Variants in DENND3 observed in about 807,000 individuals in gnomAD.
DENND3 encodes DENN domain containing 3.
Under a neutral mutation model 135.1 loss-of-function variants are expected in DENND3, and 88 were observed. That is an observed-to-expected ratio of 0.65 (90% CI 0.55 to 0.78). The LOEUF is 0.78. DENND3 is among the 30% of genes least tolerant of loss of function. DENND3 has a pLI of 0.00. For missense variants in DENND3, 1,392 were observed against 1,688.4 expected (o/e 0.82, Z 3.08); for synonymous variants, 693 against 712.3 (o/e 0.97, Z 0.43).
chr8:141,180,155 A>G (rs1569556618), intron 16 of DENND3, among the ~76,000 whole-genome samples: 2 of 152,154 alleles, frequency 1.3e-5, no homozygotes, highest in South Asian at 4.1e-4. Context: ...CACTGCGGAG[A>G]GGCATTTTGA....
Position 141,163,050 on chromosome 8 carries a change from C to T in DENND3, c.1353-283C>T, listed in dbSNP as rs537202463. On this transcript the variant is annotated intron_variant, in intron 9 of 22. Coordinates refer to ENST00000519811, the MANE Select transcript of DENND3 (RefSeq NM_001352890.3). Reference sequence around the variant, plus strand: ...TGAACTCAGTTTCATGTGTGTGGACCGCAACTGACTTTTGTGTCTTAATTT... The same window carrying T: ...TGAACTCAGTTTCATGTGTGTGGACTGCAACTGACTTTTGTGTCTTAATTT... 4.6e-5 allele frequency among the ~76,000 whole-genome samples: 7 copies of T among 152,282 alleles called. No homozygotes were observed. In the East Asian group the frequency reaches 5.8e-4, roughly 13 times the overall value.
At chr8:141,183,324 CA>C (rs1310849017) in intron 17 of DENND3, among the ~76,000 whole-genome samples, 3 of 152,188 alleles carry the variant, frequency 2.0e-5, no homozygotes, top group Admixed American at 2.0e-4. Flanking sequence ...CACCTCACTG[CA>C]ACCTCTGCCT....
In DENND3 at chr8:141,166,447, A is replaced by C; in HGVS notation, c.1753+58A>C. The C allele has an allele frequency of 6.5e-7, 1 of 1,541,086 alleles. No homozygotes were observed. The highest frequency in any genetic ancestry group is 2.3e-5 in the East Asian group (1 of 44,130). ...TCGGTCCCACCATTCCTGCACCTGC[A>C]AGTCATTGAGCAAAACTGGGACTTG... On this transcript the variant is annotated intron_variant, in intron 12 of 22. Transcript: ENST00000519811. This position sits in a 1 kb window ranked among gnomAD's most constrained non-coding sequence, Gnocchi z 4.3.
intron 7 of DENND3, among the ~76,000 whole-genome samples, chr8:141,152,612 C>T (rs922301437): frequency 1.1e-4 from 17 of 152,172 alleles, no homozygotes; most frequent in African/African-American, 3.4e-4. Flanking sequence ...CGAGTTTTGT[C>T]CATCCACTCA....
At position 141,128,819 on chromosome 8, in the gene DENND3, G is replaced by A; in HGVS notation, c.102+10G>A. 2.1e-6 allele frequency: 3 copies of A among 1,396,564 alleles called. No individual in the cohort carries two copies. The highest frequency in any genetic ancestry group is 3.0e-5 in the East Asian group (1 of 32,818). The allele number at this position is 1,396,564 out of a possible 1,614,324, so 86.5% of individuals were successfully genotyped here. A position where few individuals can be genotyped will look rare whatever the true frequency, so the allele number is the denominator to read the frequency against. ...CCGAAGTCTCGAGCAGGTGAGGGGC[G>A]GGGAAACTGAGGCGGACGTGGGCCA... is the stretch of plus-strand genomic sequence containing the variant. On this transcript the variant is annotated intron_variant, in intron 1 of 22. Coordinates refer to ENST00000519811, the MANE Select transcript of DENND3 (RefSeq NM_001352890.3). The surrounding 1 kb of genome is among the most constrained non-coding windows in gnomAD (Gnocchi z 4.5).
intron 14 of DENND3, chr8:141,176,343 C>A (rs575122421): frequency 6.3e-6 from 3 of 474,206 alleles, no homozygotes; most frequent in African/African-American, 2.0e-5. Context: ...TGAAAGAATG[C>A]GCTGCCTTCG....
At position 141,139,123 on chromosome 8, in the gene DENND3, C is replaced by T. The variant is rs112839708; in HGVS notation, c.501+986C>T. Among the ~76,000 whole-genome samples, 4 of 152,066 alleles carry T rather than the reference C, an allele frequency of 2.6e-5. No homozygotes were observed. Among genetic ancestry groups the T allele is most frequent in the South Asian group, 2.1e-4 (1 of 4,826 alleles). ...GGGTTTCCCGAAGCAAAAAGCGAGC[C>T]GGAGCCTTAATTTAGGTGCCCTGGT... On this transcript the variant is annotated intron_variant, in intron 3 of 22. Transcript: ENST00000519811. The surrounding 1 kb of genome is among the most constrained non-coding windows in gnomAD (Gnocchi z 4.2).
chr8:141,140,678 C>T (rs2154612759), intron 3 of DENND3, among the ~76,000 whole-genome samples: 1 of 152,366 alleles, frequency 6.6e-6, no homozygotes, highest in Non-Finnish European at 1.5e-5. Context: ...TCATCATGCC[C>T]TTCCATCCCT....
At position 141,137,369 on chromosome 8, in the gene DENND3, A is replaced by G. The variant is rs307770; in HGVS notation, c.385+578A>G. Among the ~76,000 whole-genome samples, 148,142 of 152,336 alleles carry G rather than the reference A, an allele frequency of 0.97. 72,054 individuals are homozygous for G. The highest frequency in any genetic ancestry group is 1 in the East Asian group (5,184 of 5,186). ...AATTGAGTCCTGGAAGGGAGTCTGC[A>G]TGAACTTCCAGGTAAAACCATTTGT... On this transcript the variant is annotated intron_variant, in intron 2 of 22. Coordinates refer to ENST00000519811, the MANE Select transcript of DENND3 (RefSeq NM_001352890.3). The surrounding 1 kb of genome is among the most constrained non-coding windows in gnomAD (Gnocchi z 4.1).
chr8:141,140,579 A>T (rs1817327288), intron 3 of DENND3, among the ~76,000 whole-genome samples: 1 of 152,180 alleles, frequency 6.6e-6, no homozygotes, highest in Non-Finnish European at 1.5e-5. Context: ...TAGATAGACA[A>T]ATGATGTAGC....
At chr8:141,159,731 G>A (rs529525629) in intron 8 of DENND3, among the ~76,000 whole-genome samples, 66 of 152,308 alleles carry the variant, frequency 4.3e-4, no homozygotes, top group African/African-American at 1.6e-3. Flanking sequence ...TATTTCTAAC[G>A]TCCCTCTAGA....
At chr8:141,171,754 G>T (rs1055062728) in intron 13 of DENND3, among the ~76,000 whole-genome samples, 1 of 151,856 alleles carries the variant, frequency 6.6e-6, no homozygotes, top group African/African-American at 2.4e-5. Flanking sequence ...GTAGCCATAG[G>T]TGTGCACAGC....
At position 141,145,826 on chromosome 8, in the gene DENND3, TATATATATATATATA is replaced by T. The variant is rs1817991669; in HGVS notation, c.735+1568_735+1582del. Reference sequence around the variant, plus strand: ...TATTATATATATATATATATATATATATATATATATATATATATATATATGTATTTTTTTTTTTTT... The same window carrying T: ...TATTATATATATATATATATATATATTATATATATGTATTTTTTTTTTTTT... On this transcript the variant is annotated intron_variant, in intron 5 of 22. Coordinates refer to ENST00000519811, the MANE Select transcript of DENND3 (RefSeq NM_001352890.3). Among the ~76,000 whole-genome samples, 73 of 60,148 alleles carry T rather than the reference TATATATATATATATA, an allele frequency of 1.2e-3. 5 individuals are homozygous for T. Among genetic ancestry groups the T allele is most frequent in the African/African-American group, 4.3e-3 (65 of 15,030 alleles). 39.5% of individuals were successfully genotyped at this position (60,148 alleles called of 152,430 possible). A position where few individuals can be genotyped will look rare whatever the true frequency, so the allele number is the denominator to read the frequency against.
rs558322989 is a variant in DENND3, at chr8:141,181,875, C to T, written c.2944+1021C>T. Among the ~76,000 whole-genome samples, 107 of 152,088 alleles carry T rather than the reference C, an allele frequency of 7.0e-4. 1 individual carries two copies. Among genetic ancestry groups the T allele is most frequent in the African/African-American group, 2.5e-3 (102 of 41,466 alleles). ...GCAGCCTCAACCTCCTGGATTCAAG[C>T]GATCCTCTTGCCTCAGCCTCCTGGG... is the stretch of plus-strand genomic sequence containing the variant. On this transcript the variant is annotated intron_variant, in intron 17 of 22. Transcript: ENST00000519811.
At chr8:141,177,840 C>T (rs899200608) in intron 15 of DENND3, 1 of 479,546 alleles carries the variant, frequency 2.1e-6, no homozygotes, top group Non-Finnish European at 3.5e-6. Context: ...CCTGCCTAGC[C>T]CCTTCTAGAA....
intron 9 of DENND3, 151 bp downstream of exon 9, chr8:141,160,938 T>C (rs760183877): frequency 2.5e-5 from 26 of 1,045,158 alleles, no homozygotes; most frequent in Non-Finnish European, 3.1e-5. Context: ...AAAGCTTTTC[T>C]TGTGACTGTA....
At position 141,138,283 on chromosome 8, in the gene DENND3, C is replaced by A. The variant is rs1052824121; in HGVS notation, c.501+146C>A. ...GTACATTCACAGCATTGTGCAACCA[C>A]CACCAATGTCTAGGTCCAAAACGCT... On this transcript the variant is annotated intron_variant, in intron 3 of 22. Transcript: ENST00000519811. The surrounding 1 kb of genome is among the most constrained non-coding windows in gnomAD (Gnocchi z 4.8). 2.5e-5 allele frequency: 22 copies of A among 865,072 alleles called. No homozygotes were observed. In the East Asian group the frequency reaches 5.9e-4, roughly 23 times the overall value. The allele number at this position is 865,072 out of a possible 1,614,324, so 53.6% of individuals were successfully genotyped here. A position where few individuals can be genotyped will look rare whatever the true frequency, so the allele number is the denominator to read the frequency against.
At chr8:141,184,811 C>G in intron 17 of DENND3, 1 of 217,590 alleles carries the variant, frequency 4.6e-6, no homozygotes, top group Non-Finnish European at 9.2e-6. Context: ...GCTCCTCTTC[C>G]AGTTCCCTCT....
At chr8:141,188,953 C>CTGAT (rs1824306190) in intron 18 of DENND3, 33 bp from the exon 19 acceptor site, 8 of 1,604,952 alleles carry the variant, frequency 5.0e-6, no homozygotes, top group Non-Finnish European at 6.8e-6. Context: ...TCGAGACTGA[C>CTGAT]TGATTTCTCA....
Sources: allele counts gnomAD v4.1 joint callset (sites outside exome capture counted in the v4.1 genomes callset), GRCh38; gene constraint gnomAD v4.1.1; non-coding constraint Gnocchi (gnomAD v3.1); transcripts MANE v1.5; gene names NCBI Gene and HGNC (gene_info 2026-07-23, HGNC 2026-07-21).